The following DTWD2 variants were observed in gnomAD, a reference collection of about 807,000 sequenced individuals.
DTWD2 encodes the protein DTW motif tRNA-uridine aminocarboxypropyltransferase 2.
In DTWD2, 39 loss-of-function variants were observed where a neutral mutation model predicts 31.8. That is an observed-to-expected ratio of 1.22 (90% confidence interval 0.95 to 1.60). The LOEUF (loss-of-function observed/expected upper bound fraction) is 1.60, where lower values mean the gene tolerates loss of function less well. Ranked by LOEUF, DTWD2 falls within the 40% of genes most tolerant of loss-of-function variation. The pLI, the probability that DTWD2 is intolerant of heterozygous loss-of-function variation, is 0.00. For missense variants in DTWD2, 515 were observed against 381.5 expected (o/e 1.35, Z -2.92); for synonymous variants, 180 against 142.8 (o/e 1.26, Z -1.86).
intron 4 of DTWD2, among the ~76,000 whole-genome samples, chr5:118,892,212 T>C (rs1752990386): frequency 6.6e-6 from 1 of 152,154 alleles, no homozygotes; most frequent in Admixed American, 6.5e-5. Context: ...TATATTTAGA[T>C]TTTATCAAAT....
At chr5:118,932,181 A>AAACAAC (rs988617723) in intron 3 of DTWD2, among the ~76,000 whole-genome samples, 57 of 151,974 alleles carry the variant, frequency 3.8e-4, no homozygotes, top group Admixed American at 1.8e-3. Flanking sequence ...ACAACAACAA[A>AAACAAC]AACAACAACA....
intron 4 of DTWD2, among the ~76,000 whole-genome samples, chr5:118,860,156 A>G (rs1244392436): frequency 1.3e-5 from 2 of 150,044 alleles, no homozygotes; most frequent in Non-Finnish European, 3.0e-5. Flanking sequence ...TATATGTTAT[A>G]TTAGTTATAC....
intron 4 of DTWD2, among the ~76,000 whole-genome samples, chr5:118,885,401 G>A (rs1026734994): frequency 1.2e-4 from 17 of 141,582 alleles, no homozygotes; most frequent in African/African-American, 3.2e-4. Context: ...GCAGCGAGCC[G>A]AGATCGAGCC....
intron 1 of DTWD2, chr5:118,974,740 G>C (rs1013219869): frequency 5.1e-5 from 23 of 451,666 alleles, no homozygotes; most frequent in African/African-American, 4.7e-4. Flanking sequence ...TTTTTGGCCT[G>C]TTTGATGTAT....
rs58269701 is a variant in DTWD2 at position 118,911,110 on chromosome 5, T to C, written c.597+17427A>G. On this transcript the variant is annotated intron_variant, in intron 4 of 5. Transcript: ENST00000510708. ...CTCCAAAATACATAAGGAACTTATATAACTCAATAGCAAAAACTCAACCCA... is the reference window on the plus strand; with the variant it reads ...CTCCAAAATACATAAGGAACTTATACAACTCAATAGCAAAAACTCAACCCA... 4.9e-3 allele frequency among the ~76,000 whole-genome samples: 746 copies of C among 152,310 alleles called. 6 individuals carry two copies. Among genetic ancestry groups the C allele is most frequent in the African/African-American group, 0.017 (699 of 41,562 alleles).
Position 118,966,015 on chromosome 5 carries a change from T to TC in DTWD2, c.219-21367dup, listed in dbSNP as rs1754839290. Among the ~76,000 whole-genome samples the TC allele has an allele frequency of 3.3e-5, 5 of 151,970 alleles. No individual in the cohort carries two copies. The South Asian group carries it at 1.0e-3, about 32-fold the overall frequency. ...ATGCCAGGAAGAAGTATCTCTTAAT[T>TC]CCTTGTTTTTCACTTGCCACTGGGC... On this transcript the variant is annotated intron_variant, in intron 1 of 5. Coordinates refer to ENST00000510708, the MANE Select transcript of DTWD2 (RefSeq NM_173666.4).
intron 4 of DTWD2, among the ~76,000 whole-genome samples, chr5:118,914,476 A>G (rs1414194249): frequency 6.6e-6 from 1 of 152,168 alleles, no homozygotes; most frequent in African/African-American, 2.4e-5. Flanking sequence ...ACCCATATCA[A>G]TTATATTATT....
intron 5 of DTWD2, among the ~76,000 whole-genome samples, chr5:118,841,459 T>C (rs1252869242): frequency 3.3e-5 from 5 of 152,188 alleles, no homozygotes; most frequent in African/African-American, 4.8e-5. Flanking sequence ...TACACCAAAA[T>C]AGTCAATTCA....
At chr5:118,867,877 T>C (rs914282317) in intron 4 of DTWD2, among the ~76,000 whole-genome samples, 1 of 152,132 alleles carries the variant, frequency 6.6e-6, no homozygotes, top group African/African-American at 2.4e-5. Context: ...GCAATTCCTA[T>C]CAAAATCCCA....
At chr5:118,874,597 G>A (rs1400919992) in intron 4 of DTWD2, among the ~76,000 whole-genome samples, 3 of 152,052 alleles carry the variant, frequency 2.0e-5, no homozygotes, top group Non-Finnish European at 4.4e-5. Context: ...AGACCAAGTG[G>A]AGGAAAGAAT....
intron 5 of DTWD2, among the ~76,000 whole-genome samples, chr5:118,841,339 A>G (rs1299503609): frequency 6.6e-6 from 1 of 152,244 alleles, no homozygotes; most frequent in Non-Finnish European, 1.5e-5. Flanking sequence ...CATAGGTAAT[A>G]AAGTCTGGCA....
intron 3 of DTWD2, 39 bp from the exon 4 acceptor site, chr5:118,928,768 T>C (rs747538040): frequency 5.5e-6 from 8 of 1,447,558 alleles, no homozygotes; most frequent in East Asian, 2.4e-5. Context: ...TATTAGCTTG[T>C]GAGGAAAAAA....
chr5:118,971,787 C>A (rs1754993732), intron 1 of DTWD2, among the ~76,000 whole-genome samples: 1 of 152,110 alleles, frequency 6.6e-6, no homozygotes, highest in Non-Finnish European at 1.5e-5. Context: ...TCTCTCAGAC[C>A]ACAGTGCAAT....
chr5:118,928,787 T>A, intron 3 of DTWD2, 58 bp from the exon 4 acceptor site: 1 of 1,343,146 alleles, frequency 7.4e-7, no homozygotes. Flanking sequence ...AAGGTTTTAT[T>A]ATGCTTACTG....
intron 4 of DTWD2, among the ~76,000 whole-genome samples, chr5:118,912,838 C>T (rs1753488461): frequency 6.6e-6 from 1 of 152,146 alleles, no homozygotes; most frequent in African/African-American, 2.4e-5. Flanking sequence ...AGCTGAACTG[C>T]AAATGAATTG....
intron 1 of DTWD2, 99 bp downstream of exon 1, chr5:118,988,195 G>A: frequency 2.1e-6 from 3 of 1,441,016 alleles, no homozygotes; most frequent in South Asian, 1.2e-5. Context: ...CGCCCTAATC[G>A]CAGAGCTGCC....
intron 4 of DTWD2, among the ~76,000 whole-genome samples, chr5:118,883,455 C>T (rs1428071198): frequency 2.6e-5 from 4 of 152,230 alleles, no homozygotes; most frequent in Admixed American, 6.5e-5. Flanking sequence ...GCAGTACCCA[C>T]TCTGCCAGTA....
At chr5:118,852,213 A>G (rs1425228213) in intron 4 of DTWD2, among the ~76,000 whole-genome samples, 1 of 152,132 alleles carries the variant, frequency 6.6e-6, no homozygotes, top group Non-Finnish European at 1.5e-5. Context: ...TGTTCCCTAA[A>G]ATCACTGTTA....
chr5:118,932,787 G>A (rs1161039345), intron 3 of DTWD2, among the ~76,000 whole-genome samples: 3 of 152,152 alleles, frequency 2.0e-5, no homozygotes, highest in Non-Finnish European at 2.9e-5. Context: ...CTGGCCTCTT[G>A]ATCTTGGAGT....
Sources: allele counts gnomAD v4.1 joint callset (sites outside exome capture counted in the v4.1 genomes callset), GRCh38; gene constraint gnomAD v4.1.1; transcripts MANE v1.5; gene names NCBI Gene and HGNC (gene_info 2026-07-23, HGNC 2026-07-21).